The following SIAH3 variants were observed in gnomAD, a reference collection of about 807,000 sequenced individuals.
SIAH3 encodes seven in absentia homolog 3.
In SIAH3, 9 loss-of-function variants were observed where a neutral mutation model predicts 12.6. The ratio of observed to expected loss-of-function variants is 0.72; its 90% CI spans 0.43 to 1.25. The LOEUF (loss-of-function observed/expected upper bound fraction) is 1.25. Among genes scored for constraint, SIAH3 ranks in the 50% most tolerant of loss-of-function variants. The pLI, the probability that SIAH3 is intolerant of heterozygous loss-of-function variation, is 0.00. For synonymous variants in SIAH3, 154 were observed against 151.1 expected, an observed-to-expected ratio of 1.02 and a Z score of -0.14; for missense variants, 390 against 365.4, an observed-to-expected ratio of 1.07 and a Z score of -0.55.
chr13:45,845,993 G>A (rs1950758423), intron 1 of SIAH3, among the ~76,000 whole-genome samples: 1 of 150,554 alleles, frequency 6.6e-6, no homozygotes. Flanking sequence ...CCCACACCAT[G>A]TATCTGGAGG....
At chr13:45,800,737 T>C (rs1320000762) in intron 1 of SIAH3, among the ~76,000 whole-genome samples, 2 of 152,238 alleles carry the variant, frequency 1.3e-5, no homozygotes, top group Non-Finnish European at 2.9e-5. Context: ...CAGCCCGTCA[T>C]GCGAAAAGCA....
intron 1 of SIAH3, among the ~76,000 whole-genome samples, chr13:45,837,095 T>C (rs1265970540): frequency 6.6e-6 from 1 of 152,214 alleles, no homozygotes; most frequent in Non-Finnish European, 1.5e-5. Flanking sequence ...ACAGTGGCCT[T>C]CGTCTTCTCA....
rs1485153361 is a variant in SIAH3 at position 45,783,945 on chromosome 13, T to C, written c.248A>G (p.His83Arg). The C allele has an allele frequency of 1.2e-6, 2 of 1,605,666 alleles. No individual in the cohort carries two copies. Among genetic ancestry groups the C allele is most frequent in the Admixed American group, 1.7e-5 (1 of 59,676 alleles). The change falls in exon 2 of 2, where the codon CAC (histidine) becomes CGC (arginine). Residue 83 changes from histidine to arginine, a missense_variant. His to Arg is a conservative substitution (Grantham distance 29, BLOSUM62 0). Coordinates refer to ENST00000400405, the MANE Select transcript of SIAH3 (RefSeq NM_198849.3). ...CHHRHHHHLR[H>R]HAHPHHLHHQ... ...GTGAAGGTGGTGGGGGTGGGCGTGG[T>C]GGCGGAGGTGGTGGTGGTGGCGGTG...
At position 45,783,284 on chromosome 13, in the gene SIAH3, A is replaced by AT; in HGVS notation, c.*98_*99insA. On this transcript the variant is annotated 3_prime_UTR_variant, in exon 2 of 2. Coordinates refer to ENST00000400405, the MANE Select transcript of SIAH3 (RefSeq NM_198849.3). ...TAATTAAAAATTAAAAAAAAAAAAA[A>AT]GAAAGGAGAAGAATAAAAAGGAGTC... 17 of 779,576 alleles carry AT rather than the reference A, an allele frequency of 2.2e-5. No homozygotes were observed. Among genetic ancestry groups the AT allele is most frequent in the Non-Finnish European group, 3.0e-5 (16 of 539,652 alleles). 48.3% of individuals were successfully genotyped at this position (779,576 alleles called of 1,614,324 possible). A position where few individuals can be genotyped will look rare whatever the true frequency, so the allele number is the denominator to read the frequency against.
chr13:45,816,782 G>C (rs1950636103), intron 1 of SIAH3, among the ~76,000 whole-genome samples: 1 of 152,214 alleles, frequency 6.6e-6, no homozygotes, highest in Non-Finnish European at 1.5e-5. Flanking sequence ...TGATGACCAT[G>C]GGGAGAAACA....
In SIAH3 at chr13:45,816,524, G is replaced by A. The variant is rs190870180; in HGVS notation, c.136-32467C>T. On this transcript the variant is annotated intron_variant, in intron 1 of 1. Transcript: ENST00000400405. The stretch of plus-strand genomic sequence containing the variant: ...CAACAGCTGAGTTATGAACCCTGAG[G>A]AATGGCATTCATTCAAATGTAAATG... 1.6e-3 allele frequency among the ~76,000 whole-genome samples: 244 copies of A among 152,318 alleles called. 4 individuals carry two copies. Among genetic ancestry groups the A allele is most frequent in the Admixed American group, 0.015 (229 of 15,308 alleles).
rs116828025 is a variant in SIAH3 at position 45,844,594 on chromosome 13, G to A, written c.135+6901C>T. Among the ~76,000 whole-genome samples, 946 of 152,270 alleles carry A rather than the reference G, an allele frequency of 6.2e-3. 10 individuals carry two copies. Among genetic ancestry groups the A allele is most frequent in the African/African-American group, 0.021 (887 of 41,558 alleles). ...GGGCATGCCATGGGACTACTAAGCCGTCATAATCGTGTGAGCCAATTTTCC... is the reference window on the plus strand; with the variant it reads ...GGGCATGCCATGGGACTACTAAGCCATCATAATCGTGTGAGCCAATTTTCC... On this transcript the variant is annotated intron_variant, in intron 1 of 1. Transcript: ENST00000400405.
intron 1 of SIAH3, among the ~76,000 whole-genome samples, chr13:45,798,045 G>T (rs1324750041): frequency 5.3e-5 from 8 of 152,288 alleles, no homozygotes; most frequent in African/African-American, 1.7e-4. Flanking sequence ...AAGCAGAGCT[G>T]CGAGGAAATT....
intron 1 of SIAH3, among the ~76,000 whole-genome samples, chr13:45,815,720 C>T (rs538323788): frequency 6.6e-6 from 1 of 152,328 alleles, no homozygotes; most frequent in African/African-American, 2.4e-5. Context: ...CAGTTGTTCA[C>T]TCCATGATGT....
chr13:45,818,697 AG>A (rs1473983278), intron 1 of SIAH3, among the ~76,000 whole-genome samples: 1 of 152,212 alleles, frequency 6.6e-6, no homozygotes, highest in African/African-American at 2.4e-5. Flanking sequence ...TGCCTTTGTC[AG>A]ATCTCCCTCT....
chr13:45,811,760 A>G (rs1336035911), intron 1 of SIAH3, among the ~76,000 whole-genome samples: 1 of 152,254 alleles, frequency 6.6e-6, no homozygotes, highest in Non-Finnish European at 1.5e-5. Context: ...CTTCATGGTC[A>G]TTCACTTTAT....
At chr13:45,848,645 TG>T (rs1950768756) in intron 1 of SIAH3, among the ~76,000 whole-genome samples, 1 of 152,208 alleles carries the variant, frequency 6.6e-6, no homozygotes, top group Non-Finnish European at 1.5e-5. Context: ...GTTTCTAAAA[TG>T]CTGTTGGTTC....
chr13:45,804,495 G>A (rs1950592387), intron 1 of SIAH3, among the ~76,000 whole-genome samples: 1 of 152,108 alleles, frequency 6.6e-6, no homozygotes, highest in African/African-American at 2.4e-5. Flanking sequence ...TTAGATAGCG[G>A]TAATGGTTGT....
In SIAH3 at chr13:45,781,678, T is replaced by C. The variant is rs941692492; in HGVS notation, c.*1705A>G. On this transcript the variant is annotated 3_prime_UTR_variant, in exon 2 of 2. Coordinates refer to ENST00000400405, the MANE Select transcript of SIAH3 (RefSeq NM_198849.3). ...CAGAGCAGCCTCTGTTATTAAATCT[T>C]GTATCGACTGGCACCTCCCTTCTGG... The C allele has an allele frequency of 6.6e-6, 1 of 152,264 alleles. No individual in the cohort carries two copies. The highest frequency in any genetic ancestry group is 2.4e-5 in the African/African-American group (1 of 41,468). The allele number at this position is 152,264 out of a possible 1,614,324, so 9.4% of individuals were successfully genotyped here.
chr13:45,795,762 T>C (rs117742801), intron 1 of SIAH3, among the ~76,000 whole-genome samples: 1 of 152,288 alleles, frequency 6.6e-6, no homozygotes, highest in East Asian at 1.9e-4. Flanking sequence ...CATTATGTGA[T>C]CAGAAAACCT....
intron 1 of SIAH3, among the ~76,000 whole-genome samples, chr13:45,833,852 C>A (rs1026895832): frequency 6.6e-6 from 1 of 152,188 alleles, no homozygotes; most frequent in Non-Finnish European, 1.5e-5. Context: ...TGCCCACAAC[C>A]TGCTGAGGGC....
intron 1 of SIAH3, among the ~76,000 whole-genome samples, chr13:45,822,520 A>AATATATACATATATATATATAT: frequency 1.2e-5 from 1 of 85,420 alleles, no homozygotes; most frequent in Admixed American, 1.6e-4. Flanking sequence ...TTCATTATCA[A>AATATATACATATATATATATAT]ATATATATAT....
chr13:45,826,254 G>A (rs1361286567), intron 1 of SIAH3, among the ~76,000 whole-genome samples: 3 of 152,048 alleles, frequency 2.0e-5, no homozygotes, highest in East Asian at 1.9e-4. Flanking sequence ...ACCTGTTTAT[G>A]TCATTCACTA....
chr13:45,823,936 A>G (rs1374422973), intron 1 of SIAH3, among the ~76,000 whole-genome samples: 2 of 152,182 alleles, frequency 1.3e-5, no homozygotes. Flanking sequence ...TTAAAAAAAT[A>G]TTATTTTAGA....
Sources: gnomAD v4.1 joint callset for allele counts (sites outside exome capture counted in the v4.1 genomes callset) on GRCh38, gnomAD v4.1.1 for gene constraint, MANE v1.5 for transcripts, NCBI Gene and HGNC (gene_info 2026-07-23, HGNC 2026-07-21) for gene names.